TMTC2: variants seen among roughly 807,000 people sequenced by gnomAD.
The protein encoded by TMTC2 is protein O-mannosyl-transferase TMTC2.
In TMTC2, 43 loss-of-function variants were observed where a neutral mutation model predicts 82.4. The observed-to-expected ratio is 0.52, with a 90% CI of 0.41 to 0.67. The LOEUF is 0.67. TMTC2 is among the 30% of genes least tolerant of loss of function. The probability of loss-of-function intolerance (pLI) is 0.00; values close to 1 mark genes in which losing one functional copy is unlikely to be tolerated. For missense variants in TMTC2, 919 were observed against 1,012.4 expected, an observed-to-expected ratio of 0.91 and a Z score of 1.25; for synonymous variants, 408 against 381.9, an observed-to-expected ratio of 1.07 and a Z score of -0.80.
At chr12:83,059,973 G>C (rs1299005297) in intron 10 of TMTC2, among the ~76,000 whole-genome samples, 1 of 151,640 alleles carries the variant, frequency 6.6e-6, no homozygotes, top group Non-Finnish European at 1.5e-5. Flanking sequence ...TCCAGGGCAT[G>C]ACCTAATGAA....
At chr12:82,744,618 A>T (rs2136957941) in intron 1 of TMTC2, among the ~76,000 whole-genome samples, 1 of 151,562 alleles carries the variant, frequency 6.6e-6, no homozygotes, top group South Asian at 2.1e-4. Context: ...CAAGGGGTGG[A>T]CAGGGACACA....
chr12:82,950,349 A>T (rs1361195264), intron 4 of TMTC2, among the ~76,000 whole-genome samples: 2 of 152,222 alleles, frequency 1.3e-5, no homozygotes, highest in Non-Finnish European at 2.9e-5. Flanking sequence ...AGGAAAATAT[A>T]TTCACACCTA....
chr12:82,727,972 T>G, intron 1 of TMTC2, among the ~76,000 whole-genome samples: 1 of 152,190 alleles, frequency 6.6e-6, no homozygotes, highest in Admixed American at 6.5e-5. Context: ...GAGGTATAGT[T>G]TCAAGAGGGT....
intron 1 of TMTC2, among the ~76,000 whole-genome samples, chr12:82,842,836 T>C (rs926521932): frequency 1.3e-5 from 2 of 152,212 alleles, no homozygotes; most frequent in South Asian, 4.1e-4. Flanking sequence ...AAATTTTTTT[T>C]CTTGGACACC....
chr12:82,735,931 C>T (rs1051775363), intron 1 of TMTC2, among the ~76,000 whole-genome samples: 6 of 151,952 alleles, frequency 3.9e-5, no homozygotes, highest in Non-Finnish European at 7.4e-5. Context: ...CAAGTTCATG[C>T]CATTGCACTG....
chr12:82,855,765 C>G (rs1871234775), intron 1 of TMTC2, among the ~76,000 whole-genome samples: 1 of 152,168 alleles, frequency 6.6e-6, no homozygotes, highest in Non-Finnish European at 1.5e-5. Context: ...AGTCTTTAAT[C>G]CTTTTCTTTA....
chr12:82,728,704 A>T (rs1370602072), intron 1 of TMTC2, among the ~76,000 whole-genome samples: 1 of 152,160 alleles, frequency 6.6e-6, no homozygotes, highest in Non-Finnish European at 1.5e-5. Context: ...CCGCTGCACT[A>T]TGGGAGCCCC....
chr12:83,004,119 T>C (rs189600416), intron 8 of TMTC2, among the ~76,000 whole-genome samples: 51 of 152,350 alleles, frequency 3.3e-4, no homozygotes, highest in Admixed American at 2.9e-3. Context: ...ATAATTAGTC[T>C]TTGAGCTCTG....
chr12:83,074,357 G>T (rs1158800618), intron 11 of TMTC2, among the ~76,000 whole-genome samples: 2 of 152,170 alleles, frequency 1.3e-5, no homozygotes, highest in Non-Finnish European at 2.9e-5. Context: ...GTGGATACCA[G>T]CACCTGTTCT....
chr12:83,026,667 C>G (rs949582852), intron 8 of TMTC2, among the ~76,000 whole-genome samples: 1 of 150,724 alleles, frequency 6.6e-6, no homozygotes, highest in Non-Finnish European at 1.5e-5. Context: ...TTTAATATTC[C>G]TCCTTGCTCT....
chr12:83,052,845 A>G (rs952071924), intron 10 of TMTC2, among the ~76,000 whole-genome samples: 1 of 152,162 alleles, frequency 6.6e-6, no homozygotes, highest in Non-Finnish European at 1.5e-5. Flanking sequence ...ATTTATTTTC[A>G]GAACCTCCTC....
intron 7 of TMTC2, among the ~76,000 whole-genome samples, chr12:82,977,667 T>A (rs1181961293): frequency 6.6e-6 from 1 of 151,782 alleles, no homozygotes; most frequent in Non-Finnish European, 1.5e-5. Context: ...ATATAGAAAA[T>A]GTTTTGTGTA....
intron 11 of TMTC2, among the ~76,000 whole-genome samples, chr12:83,119,498 T>C (rs1434991448): frequency 6.6e-6 from 1 of 152,190 alleles, no homozygotes; most frequent in East Asian, 1.9e-4. Flanking sequence ...TCCACTGTGG[T>C]GTGAGAGAGT....
intron 1 of TMTC2, among the ~76,000 whole-genome samples, chr12:82,796,308 A>AT (rs917519855): frequency 1.4e-4 from 22 of 151,964 alleles, no homozygotes; most frequent in African/African-American, 5.3e-4. Flanking sequence ...CCGAAGAATG[A>AT]TTTTTATTTG....
chr12:82,865,295 A>C (rs987953577), intron 2 of TMTC2, among the ~76,000 whole-genome samples: 56 of 152,276 alleles, frequency 3.7e-4, no homozygotes, highest in Admixed American at 3.4e-3. Flanking sequence ...ACATAGGCTC[A>C]GAATAAAGGG....
At chr12:82,847,164 G>T (rs1252891050) in intron 1 of TMTC2, among the ~76,000 whole-genome samples, 1 of 152,128 alleles carries the variant, frequency 6.6e-6, no homozygotes, top group Non-Finnish European at 1.5e-5. Context: ...AAATATAATG[G>T]CTTATCCCTA....
intron 1 of TMTC2, among the ~76,000 whole-genome samples, chr12:82,773,205 C>G (rs1475237177): frequency 6.6e-6 from 1 of 152,166 alleles, no homozygotes; most frequent in Admixed American, 6.5e-5. Context: ...TCACCAGTGA[C>G]TACAGCTTCT....
chr12:82,975,375 G>A (rs1439786053), intron 7 of TMTC2, among the ~76,000 whole-genome samples: 1 of 152,162 alleles, frequency 6.6e-6, no homozygotes. Flanking sequence ...ACTGATAGAA[G>A]CCATCACCAT....
intron 2 of TMTC2, among the ~76,000 whole-genome samples, chr12:82,876,085 T>TGGTGG (rs1565788842): frequency 7.6e-5 from 10 of 131,222 alleles, no homozygotes; most frequent in African/African-American, 3.5e-4. Flanking sequence ...ATGATGGTGA[T>TGGTGG]TAGTATTCAT....
Sources: allele counts gnomAD v4.1 joint callset (sites outside exome capture counted in the v4.1 genomes callset), GRCh38; gene constraint gnomAD v4.1.1; transcripts MANE v1.5; gene names NCBI Gene and HGNC (gene_info 2026-07-23, HGNC 2026-07-21).